IL1RAPL1: variants seen among roughly 807,000 people sequenced by gnomAD.
The protein encoded by IL1RAPL1 is interleukin-1 receptor accessory protein-like 1.
In IL1RAPL1, 3 loss-of-function variants were observed where a neutral mutation model predicts 48.4. That is an observed-to-expected ratio of 0.06 (90% CI 0.03 to 0.16). IL1RAPL1 has a LOEUF of 0.16. IL1RAPL1 is among the 10% of genes least tolerant of loss of function. IL1RAPL1 has a pLI of 1.00. For synonymous variants in IL1RAPL1, 185 were observed against 187.7 expected (o/e 0.99, Z 0.12); for missense variants, 349 against 530.6 (o/e 0.66, Z 3.36).
chrX:29,489,807 T>C (rs1935136711), intron 5 of IL1RAPL1, among the ~76,000 whole-genome samples: 1 of 112,029 alleles, frequency 8.9e-6, no homozygotes. Context: ...CTTAATACTA[T>C]GCAATACAAG....
At chrX:29,098,908 T>C (rs1928271934) in intron 2 of IL1RAPL1, among the ~76,000 whole-genome samples, 1 of 112,279 alleles carries the variant, frequency 8.9e-6, no homozygotes, top group South Asian at 3.7e-4. Context: ...CCCAGCACTT[T>C]GGGAGGCTGA....
At chrX:29,159,947 G>A (rs1421114363) in intron 2 of IL1RAPL1, among the ~76,000 whole-genome samples, 1 of 111,325 alleles carries the variant, frequency 9.0e-6, no homozygotes, top group African/African-American at 3.3e-5. Flanking sequence ...CCGACCTCAG[G>A]TGATCTGCCT....
intron 6 of IL1RAPL1, among the ~76,000 whole-genome samples, chrX:29,837,272 A>AAAATT (rs1447926305): frequency 2.8e-5 from 2 of 72,146 alleles, no homozygotes; most frequent in African/African-American, 1.2e-4. Context: ...AAAAAAAAAA[A>AAAATT]ATATATATAT....
chrX:28,672,127 G>A (rs1392408235), intron 1 of IL1RAPL1, among the ~76,000 whole-genome samples: 2 of 111,782 alleles, frequency 1.8e-5, no homozygotes, highest in African/African-American at 6.5e-5. Flanking sequence ...ACTTTTAAAT[G>A]TTCATGATAC....
At position 29,955,164 on chromosome X, in the gene IL1RAPL1, C is replaced by T. The variant is rs756376051; in HGVS notation, c.1435C>T (p.Pro479Ser). 6 of 1,209,655 alleles carry T rather than the reference C, an allele frequency of 5.0e-6. No homozygotes were observed. The South Asian group carries it at 7.0e-5, about 14-fold the overall frequency. The change falls in exon 11 of 11, where the codon CCA (proline) becomes TCA (serine). Residue 479 changes from proline (P) to serine (S), a missense_variant. By Grantham distance (74) the Pro-to-Ser change is moderately conservative. This residue lies in a region of IL1RAPL1 where 46 missense variants were observed against 113.3 expected (regional missense o/e 0.41). Transcript: ENST00000378993. Reference protein sequence around the residue: ...QSKRLIIVMTPNYVVRRGWSI... With the variant: ...QSKRLIIVMTSNYVVRRGWSI... Reference sequence around the variant, plus strand: ...CAAGCGGCTGATTATTGTCATGACCCCAAATTACGTAGTTAGAAGGGGCTG... The same window carrying T: ...CAAGCGGCTGATTATTGTCATGACCTCAAATTACGTAGTTAGAAGGGGCTG...
At position 29,461,169 on chromosome X, in the gene IL1RAPL1, C is replaced by T. The variant is rs1463633008; in HGVS notation, c.703+61861C>T. ...AAGATATACAAATGGCCAACAAGCA[C>T]ATAAAAAGTTATTCAATACCATTAG... On this transcript the variant is annotated intron_variant, in intron 5 of 10. Transcript: ENST00000378993. Among the ~76,000 whole-genome samples, 5 of 111,187 alleles carry T rather than the reference C, an allele frequency of 4.5e-5. No homozygotes were observed. In the Admixed American group the frequency reaches 4.8e-4, roughly 11 times the overall value.
At chrX:29,385,211 T>C (rs1334517052) in intron 3 of IL1RAPL1, among the ~76,000 whole-genome samples, 3 of 112,087 alleles carry the variant, frequency 2.7e-5, no homozygotes, top group African/African-American at 9.7e-5. Context: ...TCCCAGCACA[T>C]TGGGAGGCCG....
At chrX:29,203,725 ATATATATATAT>A (rs1221623008) in intron 2 of IL1RAPL1, among the ~76,000 whole-genome samples, 7 of 1,951 alleles carry the variant, frequency 3.6e-3, no homozygotes, top group Non-Finnish European at 0.011. Context: ...GTCTCAAAAT[ATATATATATAT>A]ATATATATAT....
chrX:29,637,941 A>C (rs971757595), intron 5 of IL1RAPL1, among the ~76,000 whole-genome samples: 11 of 112,086 alleles, frequency 9.8e-5, no homozygotes, highest in Non-Finnish European at 1.7e-4. Flanking sequence ...CAGCGGACCT[A>C]TGTTTGTTTT....
chrX:28,643,379 C>T (rs1934570303), intron 1 of IL1RAPL1, among the ~76,000 whole-genome samples: 1 of 111,057 alleles, frequency 9.0e-6, no homozygotes. Context: ...CTTTTGGAAG[C>T]CACCATGCAT....
intron 9 of IL1RAPL1, among the ~76,000 whole-genome samples, chrX:29,943,793 G>A (rs984419043): frequency 3.6e-5 from 4 of 112,080 alleles, no homozygotes; most frequent in Admixed American, 1.9e-4. Flanking sequence ...TTAATCATAC[G>A]CAGTGGAACT....
intron 2 of IL1RAPL1, among the ~76,000 whole-genome samples, chrX:29,164,972 T>TGCAC (rs1055988824): frequency 8.9e-6 from 1 of 112,084 alleles, no homozygotes; most frequent in African/African-American, 3.2e-5. Context: ...GTACTATGCA[T>TGCAC]GCACAGCGTC....
intron 6 of IL1RAPL1, among the ~76,000 whole-genome samples, chrX:29,884,161 C>G (rs1932089360): frequency 1.8e-5 from 2 of 111,959 alleles, no homozygotes; most frequent in African/African-American, 3.2e-5. Context: ...CATTTAATAC[C>G]TAATTCCAGT....
chrX:29,522,302 G>A (rs1935511169), intron 5 of IL1RAPL1, among the ~76,000 whole-genome samples: 1 of 110,858 alleles, frequency 9.0e-6, no homozygotes, highest in African/African-American at 3.3e-5. Context: ...TGGGACTACA[G>A]GTGCATACCA....
chrX:28,902,710 A>G lies in IL1RAPL1; in HGVS notation c.82+113285A>G, dbSNP rs77003408. The stretch of plus-strand genomic sequence containing the variant: ...TCATGGCTTAACTCAGAGGTCCCCA[A>G]ACGTCGGGCCACAGACCAGTACCAG... On this transcript the variant is annotated intron_variant, in intron 2 of 10. Coordinates refer to ENST00000378993, the MANE Select transcript of IL1RAPL1 (RefSeq NM_014271.4). 9.5e-3 allele frequency among the ~76,000 whole-genome samples: 1,063 copies of G among 111,736 alleles called. 5 individuals carry two copies. The highest frequency in any genetic ancestry group is 0.016 in the Non-Finnish European group (863 of 53,175).
intron 5 of IL1RAPL1, among the ~76,000 whole-genome samples, chrX:29,512,027 A>G (rs1274474252): frequency 9.0e-6 from 1 of 111,536 alleles, no homozygotes. Flanking sequence ...AGCATGTCCA[A>G]TGTAATCATA....
At chrX:29,050,021 T>A (rs777256890) in intron 2 of IL1RAPL1, among the ~76,000 whole-genome samples, 59 of 112,250 alleles carry the variant, frequency 5.3e-4, no homozygotes, top group Non-Finnish European at 8.8e-4. Flanking sequence ...TTGTCATATC[T>A]CCTTCACCTC....
intron 2 of IL1RAPL1, among the ~76,000 whole-genome samples, chrX:28,794,655 G>A (rs140098287): frequency 0.018 from 1,972 of 111,714 alleles, 51 homozygotes; most frequent in African/African-American, 0.061. Context: ...ACCTGTTTGT[G>A]TAAATGATTT....
At chrX:29,079,020 C>G (rs1927743862) in intron 2 of IL1RAPL1, among the ~76,000 whole-genome samples, 1 of 112,035 alleles carries the variant, frequency 8.9e-6, no homozygotes, top group Non-Finnish European at 1.9e-5. Context: ...TTTTTACTTT[C>G]ACACAATAAA....
Sources: allele counts gnomAD v4.1 joint callset (sites outside exome capture counted in the v4.1 genomes callset), GRCh38; gene constraint gnomAD v4.1.1; regional missense constraint gnomAD v4.1.1; transcripts MANE v1.5; gene names NCBI Gene and HGNC (gene_info 2026-07-23, HGNC 2026-07-21).